Variants in HNF1B observed in about 807,000 individuals in gnomAD.
The protein encoded by HNF1B is HNF1 homeobox B.
HNF1B carries 8 observed loss-of-function variants against 61.7 expected under a neutral mutation model. The observed-to-expected ratio is 0.13, with a 90% CI of 0.08 to 0.23. HNF1B has a LOEUF of 0.23. HNF1B is among the 10% of genes least tolerant of loss of function. The pLI, the probability that HNF1B is intolerant of heterozygous loss-of-function variation, is 1.00. For missense variants in HNF1B, 562 were observed against 714.5 expected (o/e 0.79, Z 2.43); for synonymous variants, 314 against 287.7 (o/e 1.09, Z -0.93).
At chr17:37,729,527 C>T (rs1466997342) in intron 4 of HNF1B, 1 of 151,424 alleles carries the variant, frequency 6.6e-6, no homozygotes, top group African/African-American at 2.4e-5. Context: ...GTAATAGGAT[C>T]TATTACACCG....
chr17:37,707,489 T>TAC (rs1423271888), intron 5 of HNF1B, among the ~76,000 whole-genome samples: 1 of 152,220 alleles, frequency 6.6e-6, no homozygotes, highest in African/African-American at 2.4e-5. Context: ...TGGTGATCCT[T>TAC]ACATGATAAT....
chr17:37,700,253 T>C (rs1417466125), intron 7 of HNF1B, among the ~76,000 whole-genome samples: 6 of 152,190 alleles, frequency 3.9e-5, no homozygotes, highest in African/African-American at 1.2e-4. Flanking sequence ...TAGCCAGACC[T>C]GGCCAGAGGA....
At chr17:37,740,094 G>C (rs1293994986) in intron 1 of HNF1B, among the ~76,000 whole-genome samples, 1 of 151,996 alleles carries the variant, frequency 6.6e-6, no homozygotes. Flanking sequence ...TCAGCCTCCA[G>C]AGTAACTGGG....
chr17:37,723,895 A>C (rs756907551), intron 4 of HNF1B, among the ~76,000 whole-genome samples: 7 of 152,174 alleles, frequency 4.6e-5, no homozygotes, highest in Non-Finnish European at 1.0e-4. Flanking sequence ...TCCACACCTC[A>C]AGAGGCAAGC....
chr17:37,690,054 G>A (rs1391822634), intron 8 of HNF1B, among the ~76,000 whole-genome samples: 1 of 151,790 alleles, frequency 6.6e-6, no homozygotes, highest in Admixed American at 6.6e-5. Context: ...AACTTTAGGT[G>A]GAGATGAGCA....
At chr17:37,712,882 T>C (rs1048251550) in intron 4 of HNF1B, among the ~76,000 whole-genome samples, 1 of 152,192 alleles carries the variant, frequency 6.6e-6, no homozygotes, top group Non-Finnish European at 1.5e-5. Context: ...GGTACAGGAA[T>C]GGACCCCAAG....
chr17:37,692,358 T>G (rs758008204), intron 8 of HNF1B, among the ~76,000 whole-genome samples: 1 of 152,240 alleles, frequency 6.6e-6, no homozygotes, highest in Non-Finnish European at 1.5e-5. Flanking sequence ...TATTGGAAGA[T>G]GAACGTTGTT....
intron 1 of HNF1B, among the ~76,000 whole-genome samples, chr17:37,742,122 CG>C (rs1253812891): frequency 6.6e-6 from 1 of 152,252 alleles, no homozygotes; most frequent in Non-Finnish European, 1.5e-5. Context: ...CCGCGGCGCC[CG>C]CAGGGTCCGT....
chr17:37,699,382 G>A lies in HNF1B; in HGVS notation c.1535-188C>T, dbSNP rs75148877. Among the ~76,000 whole-genome samples the A allele has an allele frequency of 0.015, 2,225 of 151,598 alleles. 52 individuals carry two copies. Among genetic ancestry groups the A allele is most frequent in the African/African-American group, 0.05 (2,062 of 41,174 alleles). ...ATTCCAAGTCACATAACCAACTCCC[G>A]AAAGCATGTGGATGCTTGGCTGTGA... On this transcript the variant is annotated intron_variant, in intron 7 of 8. Transcript: ENST00000617811.
At chr17:37,729,446 A>G (rs531757907) in intron 4 of HNF1B, 1 of 152,108 alleles carries the variant, frequency 6.6e-6, no homozygotes, top group East Asian at 1.9e-4. Flanking sequence ...AAAAAAAAAA[A>G]AAAAAAAAAA....
chr17:37,733,450 G>T, intron 3 of HNF1B, 107 bp downstream of exon 3: 3 of 1,285,670 alleles, frequency 2.3e-6, no homozygotes, highest in Non-Finnish European at 3.4e-6. Context: ...CTCTGATTTA[G>T]CCACACTTAT....
intron 4 of HNF1B, among the ~76,000 whole-genome samples, chr17:37,718,929 A>C (rs75556655): frequency 0.011 from 1,612 of 151,974 alleles, 11 homozygotes; most frequent in Middle Eastern, 0.024. Context: ...TTATCCTCTA[A>C]ATCTCCCAGT....
Position 37,731,600 on chromosome 17 carries a change from A to T in HNF1B, c.1040T>A (p.Leu347Gln). Residue 347 changes from leucine to glutamine, a missense_variant, in exon 4 of 9, where the codon CTG becomes CAG. By Grantham distance (113) the Leu-to-Gln change is moderately radical. Transcript: ENST00000617811. The stretch of plus-strand genomic sequence containing the variant: ...GAGGCCCAACCTTTGCTTACCTGAC[A>T]GCTTGTTTGGAGGAGAGGAGCTGGG... ...HQPSSSPPNK[L>Q]SGVRYSQQGN... 6.2e-7 allele frequency: 1 copy of T among 1,611,860 alleles called. No individual in the cohort carries two copies. The highest frequency in any genetic ancestry group is 1.3e-5 in the African/African-American group (1 of 75,044).
intron 4 of HNF1B, among the ~76,000 whole-genome samples, chr17:37,724,930 G>C (rs867689971): frequency 0.053 from 6,494 of 122,684 alleles, 451 homozygotes; most frequent in African/African-American, 0.25. Flanking sequence ...GTGTGTGTGT[G>C]TGTGTGTATA....
rs777692779 is a variant in HNF1B at position 37,710,584 on chromosome 17, C to T, written c.1125G>A (p.Val375=). The T allele has an allele frequency of 6.4e-7, 1 of 1,559,106 alleles. No individual in the cohort carries two copies. Residue 375 remains valine (V), a synonymous_variant, in exon 5 of 9, where the codon GTG becomes GTA. Coordinates refer to ENST00000617811, the MANE Select transcript of HNF1B (RefSeq NM_000458.4). ...TISHHGNSAM[V]TSQSVLQQVS... ...CTTGCTGTAAAACCGACTGGCTGGT[C>T]ACCATGGCGCTGTTGCCATGGTGAC...
At chr17:37,701,432 TCCTGTGA>T (rs900425907) in intron 6 of HNF1B, among the ~76,000 whole-genome samples, 1 of 152,196 alleles carries the variant, frequency 6.6e-6, no homozygotes, top group African/African-American at 2.4e-5. Flanking sequence ...CCCAGAGTCA[TCCTGTGA>T]CCTCCCAAAC....
At chr17:37,709,097 G>A (rs1371503530) in intron 5 of HNF1B, among the ~76,000 whole-genome samples, 1 of 152,124 alleles carries the variant, frequency 6.6e-6, no homozygotes, top group Admixed American at 6.5e-5. Context: ...CTGAAAAACA[G>A]AGCATGACCC....
chr17:37,693,711 TC>T (rs2032283719), intron 8 of HNF1B, among the ~76,000 whole-genome samples: 1 of 152,228 alleles, frequency 6.6e-6, no homozygotes, highest in South Asian at 2.1e-4. Context: ...TAGATGTGTG[TC>T]CCTTCCAAAT....
chr17:37,712,328 C>G (rs958263402), intron 4 of HNF1B, among the ~76,000 whole-genome samples: 1 of 152,164 alleles, frequency 6.6e-6, no homozygotes, highest in Non-Finnish European at 1.5e-5. Flanking sequence ...AAAGGAGGAA[C>G]AGCGTTCAGC....
Sources: allele counts gnomAD v4.1 joint callset (sites outside exome capture counted in the v4.1 genomes callset), GRCh38; gene constraint gnomAD v4.1.1; transcripts MANE v1.5; gene names NCBI Gene and HGNC (gene_info 2026-07-23, HGNC 2026-07-21).